MID1: variants seen among roughly 807,000 people sequenced by gnomAD.
MID1 encodes the protein midline 1.
A neutral mutation model predicts 40.4 loss-of-function variants in MID1; 7 were observed. That is an observed-to-expected ratio of 0.17 (90% confidence interval 0.10 to 0.33). The LOEUF (loss-of-function observed/expected upper bound fraction) is 0.33, where lower values mean the gene tolerates loss of function less well. Among genes scored for constraint, MID1 ranks in the 10% least tolerant of loss-of-function variants. The pLI, the probability that MID1 is intolerant of heterozygous loss-of-function variation, is 1.00. For missense variants in MID1, 367 were observed against 558.5 expected (o/e 0.66, Z 3.46); for synonymous variants, 229 against 221.2 (o/e 1.04, Z -0.31).
At chrX:10,723,063 T>A (rs2043368245) in intron 1 of MID1, among the ~76,000 whole-genome samples, 1 of 111,214 alleles carries the variant, frequency 9.0e-6, no homozygotes, top group Non-Finnish European at 1.9e-5. Flanking sequence ...CAAGGGTGTT[T>A]CTGGAACAAA....
At chrX:10,457,138 C>G (rs1928728684) in intron 8 of MID1, among the ~76,000 whole-genome samples, 1 of 112,031 alleles carries the variant, frequency 8.9e-6, no homozygotes, top group South Asian at 3.7e-4. Flanking sequence ...ATGGGCAGAG[C>G]AGGAAGAAAT....
chrX:10,462,123 T>C (rs1189451992), intron 7 of MID1, among the ~76,000 whole-genome samples: 4 of 112,332 alleles, frequency 3.6e-5, no homozygotes, highest in Admixed American at 9.4e-5. Flanking sequence ...CCTTGAAAAT[T>C]AAAAGAACAA....
At chrX:10,599,752 G>A (rs1935483990) in intron 1 of MID1, among the ~76,000 whole-genome samples, 1 of 112,281 alleles carries the variant, frequency 8.9e-6, no homozygotes, top group Admixed American at 9.4e-5. Flanking sequence ...AAGAATTGAG[G>A]TGGTTGTTTG....
intron 1 of MID1, among the ~76,000 whole-genome samples, chrX:10,648,879 A>G (rs762681117): frequency 9.0e-6 from 1 of 111,370 alleles, no homozygotes; most frequent in East Asian, 2.8e-4. Flanking sequence ...TGTTACTATT[A>G]CGTTTGAATA....
chrX:10,580,681 C>G (rs1227881942), intron 1 of MID1, among the ~76,000 whole-genome samples: 1 of 111,123 alleles, frequency 9.0e-6, no homozygotes, highest in Non-Finnish European at 1.9e-5. Flanking sequence ...TGATTTTGCG[C>G]TCCATTAAAA....
At chrX:10,500,609 C>T (rs947774834) in intron 3 of MID1, among the ~76,000 whole-genome samples, 4 of 112,238 alleles carry the variant, frequency 3.6e-5, no homozygotes, top group African/African-American at 1.3e-4. Context: ...AAAGAATTAA[C>T]GATTTGATTG....
At chrX:10,599,594 T>C (rs1935478262) in intron 1 of MID1, among the ~76,000 whole-genome samples, 1 of 112,320 alleles carries the variant, frequency 8.9e-6, no homozygotes, top group Non-Finnish European at 1.9e-5. Flanking sequence ...CACCTCTGCA[T>C]GTTTTTAAAT....
In MID1 at chrX:10,831,354, T is replaced by C. The variant is rs764560177; in HGVS notation, c.-187+2200A>G. Reference sequence around the variant, plus strand: ...TTAATAAATGAACATATTAAGGCTCTGAGAAGACCTATTTCCCATTGTTTG... The same window carrying C: ...TTAATAAATGAACATATTAAGGCTCCGAGAAGACCTATTTCCCATTGTTTG... On this transcript the variant is annotated intron_variant, in intron 1 of 10. Transcript: ENST00000380785. Among the ~76,000 whole-genome samples the C allele has an allele frequency of 5.3e-5, 6 of 112,169 alleles. No individual in the cohort carries two copies. In the South Asian group the frequency reaches 1.9e-3, roughly 35 times the overall value.
intron 1 of MID1, among the ~76,000 whole-genome samples, chrX:10,703,757 G>C (rs991941812): frequency 1.8e-4 from 20 of 112,464 alleles, no homozygotes; most frequent in African/African-American, 6.1e-4. Flanking sequence ...AAAGGCAATA[G>C]AGAATTCATA....
At chrX:10,729,692 T>C (rs73480978) in intron 1 of MID1, among the ~76,000 whole-genome samples, 6,018 of 112,020 alleles carry the variant, frequency 0.054, 408 homozygotes, top group African/African-American at 0.19. Context: ...TTATAGAACT[T>C]AGACATGAAC....
chrX:10,591,403 T>C (rs1935295970), intron 1 of MID1, among the ~76,000 whole-genome samples: 1 of 112,531 alleles, frequency 8.9e-6, no homozygotes, highest in Non-Finnish European at 1.9e-5. Flanking sequence ...GTTGTCTAAA[T>C]CTATTCTTTC....
intron 1 of MID1, among the ~76,000 whole-genome samples, chrX:10,597,511 C>T (rs1276986215): frequency 2.7e-5 from 3 of 111,435 alleles, no homozygotes; most frequent in South Asian, 3.7e-4. Flanking sequence ...CCCCCAAGAG[C>T]GAGAAAACTA....
chrX:10,653,506 A>G (rs1936338830), intron 1 of MID1, among the ~76,000 whole-genome samples: 1 of 112,542 alleles, frequency 8.9e-6, no homozygotes, highest in South Asian at 3.7e-4. Context: ...CATCCACAGC[A>G]CATTTCTCAG....
chrX:10,546,913 A>G (rs1379146066), intron 2 of MID1, among the ~76,000 whole-genome samples: 3 of 112,685 alleles, frequency 2.7e-5, no homozygotes, highest in Non-Finnish European at 3.7e-5. Flanking sequence ...TTCCTTGAAG[A>G]AGACAGAACA....
chrX:10,727,126 T>A (rs749374611), intron 1 of MID1, among the ~76,000 whole-genome samples: 1 of 112,447 alleles, frequency 8.9e-6, no homozygotes, highest in Admixed American at 9.4e-5. Context: ...TTATTTTTAT[T>A]TTTTTGAGAC....
At chrX:10,658,048 G>A (rs1210136666) in intron 1 of MID1, among the ~76,000 whole-genome samples, 1 of 111,254 alleles carries the variant, frequency 9.0e-6, no homozygotes, top group Non-Finnish European at 1.9e-5. Flanking sequence ...GAGCAATTGA[G>A]GCGTCTGAAC....
At chrX:10,494,790 A>G (rs930227851) in intron 4 of MID1, among the ~76,000 whole-genome samples, 35 of 107,946 alleles carry the variant, frequency 3.2e-4, no homozygotes, top group African/African-American at 6.8e-4. Flanking sequence ...AAAAAAAAAA[A>G]AAGAAGAAGA....
chrX:10,730,627 A>G (rs1346411252), intron 1 of MID1, among the ~76,000 whole-genome samples: 3 of 96,927 alleles, frequency 3.1e-5, no homozygotes, highest in African/African-American at 1.2e-4. Context: ...GCTGGAGTGC[A>G]GTGGCACGAT....
chrX:10,480,443 G>A (rs1180129597), intron 5 of MID1, among the ~76,000 whole-genome samples: 3 of 112,309 alleles, frequency 2.7e-5, no homozygotes, highest in Non-Finnish European at 5.6e-5. Flanking sequence ...GGATTGATGA[G>A]GAATGCAGTT....
Sources: allele counts gnomAD v4.1 joint callset (sites outside exome capture counted in the v4.1 genomes callset), GRCh38; gene constraint gnomAD v4.1.1; transcripts MANE v1.5; gene names NCBI Gene and HGNC (gene_info 2026-07-23, HGNC 2026-07-21).